The following SLC6A15 variants were observed in gnomAD, a reference collection of about 807,000 sequenced individuals.
SLC6A15 encodes solute carrier family 6 member 15, also known as sodium-dependent neutral amino acid transporter B(0)AT2.
A neutral mutation model predicts 68.5 loss-of-function variants in SLC6A15; 33 were observed. That is an observed-to-expected ratio of 0.48 (90% CI 0.37 to 0.64). The LOEUF is 0.64. Ranked by LOEUF, SLC6A15 falls within the 30% of genes least tolerant of loss-of-function variation. SLC6A15 has a pLI of 0.00. For synonymous variants in SLC6A15, 347 were observed against 301.0 expected (o/e 1.15, Z -1.58); for missense variants, 747 against 874.3 (o/e 0.85, Z 1.84).
intron 5 of SLC6A15, 126 bp downstream of exon 5, chr12:84,883,733 A>G (rs771932589): frequency 8.1e-6 from 13 of 1,600,682 alleles, no homozygotes; most frequent in Non-Finnish European, 1.1e-5. Flanking sequence ...CTTTTCACTA[A>G]TATTTAACTA....
Position 84,861,934 on chromosome 12 carries a change from G to C in SLC6A15, c.1891C>G (p.Leu631Val). 1 of 1,613,896 alleles carries C rather than the reference G, an allele frequency of 6.2e-7. No individual in the cohort carries two copies. Among genetic ancestry groups the C allele is most frequent in the Non-Finnish European group, 8.5e-7 (1 of 1,179,868 alleles). Residue 631 changes from leucine to valine, a missense_variant, in exon 12 of 12, where the codon CTC (leucine) becomes GTC (valine). Transcript: ENST00000266682. The part of the protein sequence containing the change: ...VCVSLVVFAI[L>V]PVPVVFIVRR... ...ACAATGAAAACTACAGGGACTGGGA[G>C]TATTGCAAAGACAACCAGAGAGACA... is the stretch of plus-strand genomic sequence containing the variant.
At chr12:84,908,855 T>C (rs1307794611) in intron 1 of SLC6A15, among the ~76,000 whole-genome samples, 1 of 152,082 alleles carries the variant, frequency 6.6e-6, no homozygotes, top group East Asian at 1.9e-4. Flanking sequence ...TCTTAGTTTT[T>C]CACTCTAATA....
chr12:84,874,309 C>T (rs1396452444), intron 6 of SLC6A15, among the ~76,000 whole-genome samples: 2 of 152,132 alleles, frequency 1.3e-5, no homozygotes, highest in Non-Finnish European at 2.9e-5. Flanking sequence ...AAGAAGTGTA[C>T]CACTTACCAC....
intron 5 of SLC6A15, among the ~76,000 whole-genome samples, chr12:84,879,740 A>G (rs1033791746): frequency 6.7e-6 from 1 of 148,646 alleles, no homozygotes; most frequent in Non-Finnish European, 1.5e-5. Context: ...TTGCACATTA[A>G]GATAAAACTT....
At chr12:84,866,517 T>C (rs1871072554) in intron 10 of SLC6A15, among the ~76,000 whole-genome samples, 1 of 152,198 alleles carries the variant, frequency 6.6e-6, no homozygotes, top group Non-Finnish European at 1.5e-5. Context: ...TTTCCCAATA[T>C]TGTCCTGCTA....
Position 84,859,831 on chromosome 12 carries a change from A to G in SLC6A15, c.*1801T>C, listed in dbSNP as rs1294016023. 1 of 152,054 alleles carries G rather than the reference A, an allele frequency of 6.6e-6. No homozygotes were observed. Among genetic ancestry groups the G allele is most frequent in the Non-Finnish European group, 1.5e-5 (1 of 67,920 alleles). 9.4% of individuals were successfully genotyped at this position (152,054 alleles called of 1,614,324 possible). ...TTCACAGAAATAGGTAAGATATAGA[A>G]GAGAGAATATAGAATGCTGTCATTT... On this transcript the variant is annotated 3_prime_UTR_variant, in exon 12 of 12. Transcript: ENST00000266682.
chr12:84,886,172 C>G (rs1249825742), intron 2 of SLC6A15, 104 bp from the exon 3 acceptor site: 1 of 724,766 alleles, frequency 1.4e-6, no homozygotes, highest in Non-Finnish European at 2.1e-6. Flanking sequence ...CTATATAGTG[C>G]AATTATGGAG....
intron 5 of SLC6A15, chr12:84,882,546 TAGAC>T: frequency 1.3e-6 from 1 of 786,058 alleles, no homozygotes; most frequent in Non-Finnish European, 1.5e-6. Flanking sequence ...AAAGATGAAT[TAGAC>T]AGACTTCTGC....
intron 1 of SLC6A15, among the ~76,000 whole-genome samples, chr12:84,910,639 T>C (rs112643518): frequency 0.04 from 6,075 of 152,128 alleles, 385 homozygotes; most frequent in African/African-American, 0.13. Flanking sequence ...GACAAAGGCC[T>C]AACTAAAGAG....
chr12:84,879,314 C>T (rs1871710280), intron 5 of SLC6A15, among the ~76,000 whole-genome samples: 1 of 141,864 alleles, frequency 7.0e-6, no homozygotes, highest in Non-Finnish European at 1.5e-5. Flanking sequence ...ATTGCTGACT[C>T]TACACTATCA....
At chr12:84,907,465 G>A (rs75007948) in intron 1 of SLC6A15, among the ~76,000 whole-genome samples, 140 of 152,198 alleles carry the variant, frequency 9.2e-4, no homozygotes, top group African/African-American at 3.1e-3. Context: ...ACTGAGGCTC[G>A]ATATTATTAG....
At chr12:84,883,791 G>T (rs1263055075) in intron 5 of SLC6A15, 68 bp downstream of exon 5, 2 of 1,613,696 alleles carry the variant, frequency 1.2e-6, no homozygotes, top group East Asian at 2.2e-5. Flanking sequence ...ATCTGTAACA[G>T]AATTTGAGAG....
At chr12:84,884,529 C>T (rs1288217722) in intron 4 of SLC6A15, among the ~76,000 whole-genome samples, 1 of 152,074 alleles carries the variant, frequency 6.6e-6, no homozygotes, top group African/African-American at 2.4e-5. Flanking sequence ...TGTTCTCAAA[C>T]TCCTGACCTC....
At chr12:84,899,499 C>T (rs534853420) in intron 1 of SLC6A15, among the ~76,000 whole-genome samples, 1 of 152,270 alleles carries the variant, frequency 6.6e-6, no homozygotes, top group South Asian at 2.1e-4. Context: ...GACATTGGTT[C>T]CTAGTTTTCA....
rs895815023 is a variant in SLC6A15 at position 84,903,216 on chromosome 12, C to A, written c.-189+9307G>T. On this transcript the variant is annotated intron_variant, in intron 1 of 11. Transcript: ENST00000266682. ...CAAAGATAGACAATCTTTCAAAATT[C>A]TTTTAGAGATTTCTGAAGTAGACAA... Among the ~76,000 whole-genome samples the A allele has an allele frequency of 6.6e-5, 10 of 151,940 alleles. No homozygotes were observed. The South Asian group carries it at 1.5e-3, about 22-fold the overall frequency.
intron 1 of SLC6A15, among the ~76,000 whole-genome samples, chr12:84,907,282 A>C (rs150409475): frequency 0.018 from 2,811 of 152,078 alleles, 66 homozygotes; most frequent in African/African-American, 0.059. Flanking sequence ...AGGGAGGCAG[A>C]GCTTGCAGTG....
At chr12:84,881,662 C>T in intron 5 of SLC6A15, 1 of 974,214 alleles carries the variant, frequency 1.0e-6, no homozygotes, top group Non-Finnish European at 1.2e-6. Context: ...CTGACTCATT[C>T]TTCTTTTAGC....
At chr12:84,864,385 T>C (rs934600567) in intron 10 of SLC6A15, among the ~76,000 whole-genome samples, 1 of 147,736 alleles carries the variant, frequency 6.8e-6, no homozygotes, top group Non-Finnish European at 1.5e-5. Context: ...AGTGGCACAA[T>C]CTCGACTCAC....
At chr12:84,862,907 A>G (rs1870910902) in intron 11 of SLC6A15, among the ~76,000 whole-genome samples, 1 of 152,132 alleles carries the variant, frequency 6.6e-6, no homozygotes, top group Non-Finnish European at 1.5e-5. Flanking sequence ...CTTCAGCCTC[A>G]GCCTGACGAG....
Sources: allele counts gnomAD v4.1 joint callset (sites outside exome capture counted in the v4.1 genomes callset), GRCh38; gene constraint gnomAD v4.1.1; transcripts MANE v1.5; gene names NCBI Gene and HGNC (gene_info 2026-07-23, HGNC 2026-07-21).